The following CASQ2 variants were observed in gnomAD, a reference collection of about 807,000 sequenced individuals.
CASQ2 encodes calsequestrin 2, also known as calsequestrin-2.
Under a neutral mutation model 46.5 loss-of-function variants are expected in CASQ2, and 49 were observed. The ratio of observed to expected loss-of-function variants is 1.05; its 90% CI spans 0.84 to 1.34. The LOEUF (loss-of-function observed/expected upper bound fraction) is 1.34, where lower values mean the gene tolerates loss of function less well. Among genes scored for constraint, CASQ2 ranks in the 40% most tolerant of loss-of-function variants. CASQ2 has a pLI of 0.00. For missense variants in CASQ2, 486 were observed against 481.3 expected, an observed-to-expected ratio of 1.01 and a Z score of -0.09; for synonymous variants, 174 against 168.5, an observed-to-expected ratio of 1.03 and a Z score of -0.25.
chr1:115,754,375 A>G (rs183180957), intron 1 of CASQ2, among the ~76,000 whole-genome samples: 12 of 152,254 alleles, frequency 7.9e-5, no homozygotes, highest in Admixed American at 2.6e-4. Flanking sequence ...CAAGGAAAAG[A>G]CCCAAGGGAA....
At chr1:115,702,152 C>T (rs1451086763) in intron 10 of CASQ2, among the ~76,000 whole-genome samples, 1 of 152,066 alleles carries the variant, frequency 6.6e-6, no homozygotes, top group Admixed American at 6.6e-5. Context: ...GAACTCCTGA[C>T]CTCAGGTGAT....
chr1:115,708,640 C>T lies in CASQ2; in HGVS notation c.839-3348G>A, dbSNP rs144464069. 2.0e-5 allele frequency among the ~76,000 whole-genome samples: 3 copies of T among 152,348 alleles called. No individual in the cohort carries two copies. In the East Asian group the frequency reaches 5.8e-4, roughly 29 times the overall value. ...TAAATGAATCAGTATCTCTGAAGCA[C>T]TTGGACAGTGCCTGGCATATAGTAA... On this transcript the variant is annotated intron_variant, in intron 8 of 10. Coordinates refer to ENST00000261448, the MANE Select transcript of CASQ2 (RefSeq NM_001232.4).
chr1:115,753,345 G>A (rs1648644494), intron 1 of CASQ2, among the ~76,000 whole-genome samples: 1 of 152,170 alleles, frequency 6.6e-6, no homozygotes, highest in Non-Finnish European at 1.5e-5. Flanking sequence ...AGTGCGGGGA[G>A]AGAAAGGATC....
intron 8 of CASQ2, among the ~76,000 whole-genome samples, chr1:115,714,531 T>C (rs2999464): frequency 0.57 from 86,443 of 151,932 alleles, 24,865 homozygotes; most frequent in East Asian, 0.66. Context: ...GGTATGATCT[T>C]CTTCCTTGGG....
intron 6 of CASQ2, among the ~76,000 whole-genome samples, chr1:115,726,697 T>A (rs1647604259): frequency 6.6e-6 from 1 of 152,260 alleles, no homozygotes. Flanking sequence ...ATGGGAACTT[T>A]CACTAAATTG....
chr1:115,737,624 G>T (rs144422153), intron 4 of CASQ2, among the ~76,000 whole-genome samples: 144 of 152,180 alleles, frequency 9.5e-4, no homozygotes, highest in African/African-American at 3.4e-3. Context: ...CCCACCACCC[G>T]CTCATCCCTA....
chr1:115,755,898 G>T (rs1002806009), intron 1 of CASQ2, among the ~76,000 whole-genome samples: 2 of 152,192 alleles, frequency 1.3e-5, no homozygotes, highest in Non-Finnish European at 2.9e-5. Flanking sequence ...ATCCCAGCTG[G>T]CTCTAACTCC....
chr1:115,717,630 T>C (rs1654746125), intron 8 of CASQ2, among the ~76,000 whole-genome samples: 3 of 152,236 alleles, frequency 2.0e-5, no homozygotes, highest in African/African-American at 7.2e-5. Context: ...TGGTAGTCTA[T>C]AACATTCTGA....
intron 1 of CASQ2, among the ~76,000 whole-genome samples, chr1:115,760,236 A>T (rs1648891637): frequency 6.6e-6 from 1 of 152,234 alleles, no homozygotes; most frequent in Admixed American, 6.5e-5. Context: ...GATTCTGGTC[A>T]TCTGGAAAAC....
chr1:115,729,151 G>A (rs1435554499), intron 5 of CASQ2, among the ~76,000 whole-genome samples: 2 of 148,342 alleles, frequency 1.3e-5, no homozygotes, highest in Non-Finnish European at 1.5e-5. Flanking sequence ...CCAGGTTCGA[G>A]CGATTCTCCT....
chr1:115,766,865 TGATAGATAGATAGATAGATAGATAGATA>T (rs58728885), intron 1 of CASQ2, among the ~76,000 whole-genome samples: 1 of 144,884 alleles, frequency 6.9e-6, no homozygotes, highest in South Asian at 2.3e-4. Flanking sequence ...GAGCTAGAGA[TGATAGATAGATAGATAGATAGATAGATA>T]GATAGATAGA....
rs397516639 is a variant in CASQ2 at position 115,701,350 on chromosome 1, T to TC, written c.1090dup (p.Asp364GlyfsTer10). 6.2e-7 allele frequency: 1 copy of TC among 1,613,580 alleles called. No homozygotes were observed. Among genetic ancestry groups the TC allele is most frequent in the Non-Finnish European group, 8.5e-7 (1 of 1,179,482 alleles). On this transcript the variant is annotated frameshift_variant, in exon 11 of 11. Coordinates refer to ENST00000261448, the MANE Select transcript of CASQ2 (RefSeq NM_001232.4). LOFTEE classifies it high-confidence loss of function. ...AGTGTTTATCTTTCCAGAAAGCACA[T>TC]CCTCAATCCAGTCCTCCAGCTCCTC...
At chr1:115,701,620 AATGTGT>A (rs1270107189) in intron 10 of CASQ2, among the ~76,000 whole-genome samples, 194 bp from the exon 11 acceptor site, 45 of 152,202 alleles carry the variant, frequency 3.0e-4, no homozygotes, top group African/African-American at 1.0e-3. Context: ...CATAAAAGGA[AATGTGT>A]ATTCCATTGC....
At chr1:115,712,759 G>A (rs934722917) in intron 8 of CASQ2, among the ~76,000 whole-genome samples, 1 of 151,588 alleles carries the variant, frequency 6.6e-6, no homozygotes, top group Admixed American at 6.6e-5. Flanking sequence ...GGGAGGCTGA[G>A]GCAGGAGAAT....
intron 1 of CASQ2, among the ~76,000 whole-genome samples, chr1:115,750,109 G>T (rs1648526249): frequency 6.6e-6 from 1 of 152,216 alleles, no homozygotes; most frequent in Admixed American, 6.5e-5. Flanking sequence ...TGGGTGGATT[G>T]GTCCAAGTAC....
At chr1:115,734,370 C>T (rs139363976) in intron 4 of CASQ2, among the ~76,000 whole-genome samples, 1 of 152,336 alleles carries the variant, frequency 6.6e-6, no homozygotes, top group East Asian at 1.9e-4. Context: ...CCTCCATGAA[C>T]TCCCACCCTG....
intron 8 of CASQ2, among the ~76,000 whole-genome samples, chr1:115,717,282 T>C (rs900452459): frequency 1.3e-5 from 2 of 152,206 alleles, no homozygotes; most frequent in Non-Finnish European, 2.9e-5. Flanking sequence ...AGATTTCCAT[T>C]TGAGTTTCTC....
rs1248136883 is a variant in CASQ2 at position 115,717,994 on chromosome 1, G to A, written c.784-100C>T. The A allele has an allele frequency of 2.5e-5, 21 of 824,804 alleles. No individual in the cohort carries two copies. The East Asian group carries it at 3.4e-4, about 13-fold the overall frequency. 51.1% of individuals were successfully genotyped at this position (824,804 alleles called of 1,614,324 possible). ...AGAAGCTGGAATGGGAATAGGAGAGGTAGGGAGAGGTGTGGAAGCGGGGAT... is the reference window on the plus strand; with the variant it reads ...AGAAGCTGGAATGGGAATAGGAGAGATAGGGAGAGGTGTGGAAGCGGGGAT... On this transcript the variant is annotated intron_variant, in intron 7 of 10. Transcript: ENST00000261448.
chr1:115,717,327 T>G (rs775784291), intron 8 of CASQ2, among the ~76,000 whole-genome samples: 3 of 152,172 alleles, frequency 2.0e-5, no homozygotes, highest in Non-Finnish European at 4.4e-5. Context: ...ACTACTGACA[T>G]CAGCTGGTCT....
Sources: gnomAD v4.1 joint callset for allele counts (sites outside exome capture counted in the v4.1 genomes callset) on GRCh38, gnomAD v4.1.1 for gene constraint, MANE v1.5 for transcripts, NCBI Gene and HGNC (gene_info 2026-07-23, HGNC 2026-07-21) for gene names.